CSMD1: variants seen among roughly 807,000 people sequenced by gnomAD.
CSMD1 encodes CUB and Sushi multiple domains 1.
In CSMD1, 213 loss-of-function variants were observed where a neutral mutation model predicts 417.5. The observed-to-expected ratio is 0.51, with a 90% CI of 0.46 to 0.57. CSMD1 has a LOEUF of 0.57. Ranked by LOEUF, CSMD1 falls within the 20% of genes least tolerant of loss-of-function variation. The pLI, the probability that CSMD1 is intolerant of heterozygous loss-of-function variation, is 0.00. For synonymous variants in CSMD1, 2,862 were observed against 1,736.8 expected, an observed-to-expected ratio of 1.65 and a Z score of -16.11; for missense variants, 6,923 against 4,529.7, an observed-to-expected ratio of 1.53 and a Z score of -15.17.
intron 3 of CSMD1, among the ~76,000 whole-genome samples, chr8:4,254,707 C>G (rs1803328911): frequency 6.6e-6 from 1 of 152,104 alleles, no homozygotes; most frequent in South Asian, 2.1e-4. Context: ...CGTACCTTTT[C>G]CATGTGTAGG....
At chr8:4,504,689 G>A (rs899963725) in intron 2 of CSMD1, among the ~76,000 whole-genome samples, 1 of 152,058 alleles carries the variant, frequency 6.6e-6, no homozygotes, top group African/African-American at 2.4e-5. Context: ...GTATCCATGT[G>A]TTCTCATTGT....
chr8:4,286,289 C>G (rs966470407), intron 3 of CSMD1, among the ~76,000 whole-genome samples: 2 of 152,158 alleles, frequency 1.3e-5, no homozygotes, highest in Admixed American at 1.3e-4. Flanking sequence ...TTAGTGCTAT[C>G]TGTCCTCAGG....
At chr8:3,580,341 G>A (rs981685521) in intron 9 of CSMD1, among the ~76,000 whole-genome samples, 1 of 152,142 alleles carries the variant, frequency 6.6e-6, no homozygotes, top group East Asian at 1.9e-4. Flanking sequence ...TTGGAAGGAC[G>A]TGGGTTCAGA....
chr8:4,806,763 T>C (rs17071435), intron 1 of CSMD1, among the ~76,000 whole-genome samples: 2 of 152,220 alleles, frequency 1.3e-5, no homozygotes, highest in African/African-American at 4.8e-5. Flanking sequence ...ACCACCCATT[T>C]GATCACAAAA....
chr8:4,183,007 A>C (rs375795940), intron 3 of CSMD1, among the ~76,000 whole-genome samples: 7 of 152,202 alleles, frequency 4.6e-5, no homozygotes, highest in African/African-American at 1.7e-4. Context: ...AGTAAAGAGT[A>C]ATTACATGGG....
chr8:4,715,654 C>G (rs1418633799), intron 1 of CSMD1, among the ~76,000 whole-genome samples: 1 of 152,152 alleles, frequency 6.6e-6, no homozygotes, highest in Non-Finnish European at 1.5e-5. Context: ...CATTTCTCTT[C>G]CAGATTCATC....
At position 3,406,160 on chromosome 8, in the gene CSMD1, G is replaced by C. The variant is rs766706331; in HGVS notation, c.2133C>G (p.Asp711Glu). 2.4e-5 allele frequency: 38 copies of C among 1,613,330 alleles called. No homozygotes were observed. The highest frequency in any genetic ancestry group is 3.1e-5 in the Non-Finnish European group (37 of 1,179,722). Residue 711 changes from aspartate (D) to glutamate (E), a missense_variant, in exon 15 of 70, where the codon GAC (aspartate) becomes GAG (glutamate). Asp to Glu is a conservative substitution (Grantham distance 45, BLOSUM62 2). Transcript: ENST00000635120. The part of the protein sequence containing the change: ...GIPINGRRFG[D>E]RFLLGSSVSF... ...AAACCGAGCTCCCGAGTAGAAACCT[G>C]TCACCAAAACGTCGTCCGTTTATAG...
chr8:3,274,479 T>C (rs975824947), intron 26 of CSMD1, among the ~76,000 whole-genome samples: 9 of 152,178 alleles, frequency 5.9e-5, no homozygotes, highest in Admixed American at 4.6e-4. Flanking sequence ...TTCCTGGGTA[T>C]GCTTGTTGAC....
At chr8:3,432,086 G>C (rs915542776) in intron 12 of CSMD1, among the ~76,000 whole-genome samples, 4 of 152,148 alleles carry the variant, frequency 2.6e-5, no homozygotes, top group Admixed American at 6.5e-5. Flanking sequence ...CTGAGGAAAA[G>C]TCCCAGAACC....
intron 16 of CSMD1, among the ~76,000 whole-genome samples, chr8:3,398,719 T>C (rs1766452110): frequency 6.6e-6 from 1 of 152,166 alleles, no homozygotes; most frequent in Non-Finnish European, 1.5e-5. Flanking sequence ...TGACAAAATC[T>C]TTTTAGTTTT....
intron 2 of CSMD1, among the ~76,000 whole-genome samples, chr8:4,461,572 G>C (rs145041140): frequency 6.7e-6 from 1 of 149,002 alleles, no homozygotes; most frequent in East Asian, 2.0e-4. Flanking sequence ...GGGGTGTTGG[G>C]GGATACATCA....
At chr8:3,624,479 G>T (rs900905058) in intron 7 of CSMD1, among the ~76,000 whole-genome samples, 3 of 152,180 alleles carry the variant, frequency 2.0e-5, no homozygotes, top group Non-Finnish European at 4.4e-5. Context: ...ACTTACGATT[G>T]ATTATTATTG....
At chr8:4,687,049 T>C (rs1806433484) in intron 1 of CSMD1, among the ~76,000 whole-genome samples, 1 of 152,144 alleles carries the variant, frequency 6.6e-6, no homozygotes, top group Non-Finnish European at 1.5e-5. Context: ...ATGGCAGATG[T>C]CTTCTGAGGC....
At chr8:2,956,145 T>C (rs1802994097) in intron 63 of CSMD1, among the ~76,000 whole-genome samples, 2 of 152,102 alleles carry the variant, frequency 1.3e-5, no homozygotes, top group Non-Finnish European at 2.9e-5. Flanking sequence ...TTAAAGATCC[T>C]TAAAAGCCCA....
intron 7 of CSMD1, among the ~76,000 whole-genome samples, chr8:3,665,798 C>T (rs141572945): frequency 6.6e-6 from 1 of 152,294 alleles, no homozygotes; most frequent in East Asian, 1.9e-4. Context: ...TTTCTTAGAG[C>T]ACCCCTAGGA....
rs188926169 is a variant in CSMD1 at position 4,583,150 on chromosome 8, C to G, written c.302+54192G>C. Among the ~76,000 whole-genome samples, 227 of 152,314 alleles carry G rather than the reference C, an allele frequency of 1.5e-3. 2 individuals are homozygous for G. The highest frequency in any genetic ancestry group is 5.4e-3 in the African/African-American group (224 of 41,582). The stretch of plus-strand genomic sequence containing the variant: ...TCCTGTGCGGCCCAAGCCTCCCCAA[C>G]GAGCACCATCCTCTGCTCCACGGCA... On this transcript the variant is annotated intron_variant, in intron 2 of 69. Coordinates refer to ENST00000635120, the MANE Select transcript of CSMD1 (RefSeq NM_033225.6).
chr8:3,867,218 G>C (rs533084561), intron 5 of CSMD1, among the ~76,000 whole-genome samples: 175 of 152,200 alleles, frequency 1.1e-3, no homozygotes, highest in African/African-American at 3.4e-3. Flanking sequence ...GTGAATTAAT[G>C]CATGAATAAA....
At chr8:4,749,210 GA>G (rs1345947939) in intron 1 of CSMD1, among the ~76,000 whole-genome samples, 1 of 152,188 alleles carries the variant, frequency 6.6e-6, no homozygotes, top group Non-Finnish European at 1.5e-5. Context: ...TAACAAATCT[GA>G]AAACTTTTTC....
intron 23 of CSMD1, among the ~76,000 whole-genome samples, chr8:3,333,057 C>G: frequency 6.6e-6 from 1 of 152,254 alleles, no homozygotes; most frequent in African/African-American, 2.4e-5. Context: ...ACGCCCTGCC[C>G]AGAGAAGACC....
Sources: allele counts gnomAD v4.1 joint callset (sites outside exome capture counted in the v4.1 genomes callset), GRCh38; gene constraint gnomAD v4.1.1; transcripts MANE v1.5; gene names NCBI Gene and HGNC (gene_info 2026-07-23, HGNC 2026-07-21).